AKAP19: variants seen among roughly 807,000 people sequenced by gnomAD.
AKAP19 encodes the protein A-kinase anchoring protein 19.
the AKAP19 span, among the ~76,000 whole-genome samples, chr2:190,164,436 T>C: frequency 2.0e-5 from 3 of 151,984 alleles, no homozygotes; most frequent in Non-Finnish European, 4.4e-5. Context: ...GCGGCTGAGG[T>C]GGGAGGATTG....
At chr2:190,108,984 T>C in the AKAP19 span, among the ~76,000 whole-genome samples, 1 of 152,166 alleles carries the variant, frequency 6.6e-6, no homozygotes, top group Non-Finnish European at 1.5e-5. Flanking sequence ...TTCATAGATG[T>C]TGGTTTATAA....
At chr2:190,027,664 G>A in the AKAP19 span, among the ~76,000 whole-genome samples, 2 of 152,122 alleles carry the variant, frequency 1.3e-5, no homozygotes, top group Admixed American at 1.3e-4. Context: ...GTACATACTT[G>A]TAGATAATCC....
chr2:190,151,243 C>T, the AKAP19 span, among the ~76,000 whole-genome samples: 6 of 152,154 alleles, frequency 3.9e-5, no homozygotes, highest in Admixed American at 1.3e-4. Context: ...GATACATGTG[C>T]GGAACGTGCA....
chr2:190,021,109 T>TA, the AKAP19 span, among the ~76,000 whole-genome samples: 1 of 152,212 alleles, frequency 6.6e-6, no homozygotes, highest in Non-Finnish European at 1.5e-5. Flanking sequence ...AAATACCTAT[T>TA]TGAGTCCCTG....
At chr2:190,013,709 A>G in the AKAP19 span, among the ~76,000 whole-genome samples, 41 of 151,870 alleles carry the variant, frequency 2.7e-4, no homozygotes, top group South Asian at 8.3e-3. Flanking sequence ...TAGTAGAGAC[A>G]GGGTTTCACT....
the AKAP19 span, among the ~76,000 whole-genome samples, chr2:190,157,367 T>TACAC: frequency 6.7e-5 from 10 of 150,204 alleles, no homozygotes; most frequent in African/African-American, 2.5e-4. Context: ...TAAACTTGTA[T>TACAC]ACACACACAC....
the AKAP19 span, among the ~76,000 whole-genome samples, chr2:190,098,410 A>G: frequency 6.6e-6 from 1 of 152,132 alleles, no homozygotes; most frequent in Non-Finnish European, 1.5e-5. Flanking sequence ...CCAATGGTGC[A>G]TTGTCAATGA....
the AKAP19 span, among the ~76,000 whole-genome samples, chr2:190,034,118 CAA>C: frequency 1.3e-4 from 19 of 151,252 alleles, no homozygotes; most frequent in Admixed American, 2.6e-4. Flanking sequence ...ATTATAAAGT[CAA>C]AAAAAAAGAG....
chr2:189,966,547 G>C, the AKAP19 span, among the ~76,000 whole-genome samples: 1 of 152,340 alleles, frequency 6.6e-6, no homozygotes, highest in African/African-American at 2.4e-5. Context: ...GAGGAGGCAA[G>C]AGGAAGGTGG....
the AKAP19 span, among the ~76,000 whole-genome samples, chr2:190,156,751 GA>G: frequency 1.5e-4 from 23 of 152,146 alleles, no homozygotes; most frequent in Non-Finnish European, 2.8e-4. Flanking sequence ...AATTGACAGT[GA>G]AAATTGCTGC....
chr2:190,056,906 A>C, the AKAP19 span: 1 of 231,090 alleles, frequency 4.3e-6, no homozygotes, highest in Admixed American at 5.2e-5. Context: ...ATATTAAACA[A>C]AACTTTAAAG....
the AKAP19 span, among the ~76,000 whole-genome samples, chr2:189,934,271 T>C: frequency 6.6e-6 from 1 of 152,088 alleles, no homozygotes; most frequent in South Asian, 2.1e-4. Flanking sequence ...GTTGCACACA[T>C]TGTTTAGCCA....
chr2:189,911,946 A>G, the AKAP19 span, among the ~76,000 whole-genome samples: 4 of 151,590 alleles, frequency 2.6e-5, no homozygotes, highest in African/African-American at 9.7e-5. Context: ...TGGTTGATTT[A>G]CCCTTCCTTA....
chr2:190,170,320 T>C, the AKAP19 span, among the ~76,000 whole-genome samples: 3 of 152,230 alleles, frequency 2.0e-5, no homozygotes, highest in Non-Finnish European at 4.4e-5. Flanking sequence ...TAGGCCATCA[T>C]AGACTTACAA....
chr2:190,155,429 C>G, the AKAP19 span, among the ~76,000 whole-genome samples: 1 of 151,774 alleles, frequency 6.6e-6, no homozygotes, highest in South Asian at 2.1e-4. Flanking sequence ...AAATAGGAAG[C>G]AGAGGTGGTA....
At chr2:189,953,595 T>C in the AKAP19 span, among the ~76,000 whole-genome samples, 6 of 142,522 alleles carry the variant, frequency 4.2e-5, no homozygotes, top group East Asian at 1.0e-3. Context: ...GATTGCACCA[T>C]TGCACTCCAG....
the AKAP19 span, among the ~76,000 whole-genome samples, chr2:190,159,875 T>C: frequency 2.0e-5 from 3 of 152,230 alleles, no homozygotes; most frequent in Non-Finnish European, 4.4e-5. Flanking sequence ...CTTTTGAAAC[T>C]GCTGTCTTTG....
the AKAP19 span, among the ~76,000 whole-genome samples, chr2:190,154,963 C>G: frequency 2.6e-5 from 4 of 152,298 alleles, no homozygotes; most frequent in East Asian, 7.7e-4. Flanking sequence ...ACACTCCCAC[C>G]GCTTTTCTAA....
At chr2:190,068,582 A>G in the AKAP19 span, among the ~76,000 whole-genome samples, 2 of 152,014 alleles carry the variant, frequency 1.3e-5, no homozygotes, top group Admixed American at 1.3e-4. Context: ...CCATCCGCCC[A>G]CCTCAGCTTC....
Sources: allele counts gnomAD v4.1 joint callset (sites outside exome capture counted in the v4.1 genomes callset), GRCh38; gene constraint gnomAD v4.1.1; transcripts MANE v1.5; gene names NCBI Gene and HGNC (gene_info 2026-07-23, HGNC 2026-07-21).